Variants in GNB4 observed in about 807,000 individuals in gnomAD.
GNB4 encodes guanine nucleotide-binding protein subunit beta-4.
Under a neutral mutation model 45.2 loss-of-function variants are expected in GNB4, and 28 were observed. That is an observed-to-expected ratio of 0.62 (90% CI 0.46 to 0.85). The LOEUF is 0.85. Among genes scored for constraint, GNB4 ranks in the 40% least tolerant of loss-of-function variants. GNB4 has a pLI of 0.00. For missense variants in GNB4, 321 were observed against 425.4 expected (o/e 0.75, Z 2.16); for synonymous variants, 132 against 143.7 (o/e 0.92, Z 0.58).
chr3:179,413,735 T>G lies in GNB4; in HGVS notation c.477A>C (p.Thr159=). 1 of 1,614,224 alleles carries G rather than the reference T, an allele frequency of 6.2e-7. No individual in the cohort carries two copies. Among genetic ancestry groups the G allele is most frequent in the South Asian group, 1.1e-5 (1 of 91,086 alleles). Residue 159 remains threonine, a synonymous_variant, in exon 7 of 10, where the codon ACA becomes ACC. Coordinates refer to ENST00000232564, the MANE Select transcript of GNB4 (RefSeq NM_021629.4). The part of the protein sequence containing the change: ...CRFLDDSQIV[T]SSGDTTCALW... ...CTTACCAAGTTGTATCTCCTGAACT[T>G]GTAACAATTTGGCTGTCATCTAAAA... is the stretch of plus-strand genomic sequence containing the variant.
the GNB4 span, among the ~76,000 whole-genome samples, chr3:179,462,629 A>T: frequency 1.3e-5 from 2 of 152,286 alleles, no homozygotes; most frequent in East Asian, 3.9e-4. Context: ...ACTTGAGGTC[A>T]GAAGTTGGAG....
intron 2 of GNB4, among the ~76,000 whole-genome samples, chr3:179,423,867 T>C (rs537352467): frequency 2.6e-5 from 4 of 151,630 alleles, no homozygotes; most frequent in East Asian, 1.9e-4. Flanking sequence ...AAGAGCAAAA[T>C]TGGCTCAGAA....
chr3:179,404,361 C>T (rs561430568), intron 9 of GNB4, among the ~76,000 whole-genome samples: 1 of 152,190 alleles, frequency 6.6e-6, no homozygotes, highest in East Asian at 1.9e-4. Flanking sequence ...ACAGATAACA[C>T]CTGAATTTTT....
chr3:179,437,955 C>T (rs910079164), intron 1 of GNB4: 2 of 152,112 alleles, frequency 1.3e-5, no homozygotes, highest in African/African-American at 4.8e-5. Context: ...GCCTGCAATC[C>T]CAGTGCTTTG....
chr3:179,485,540 A>T, the GNB4 span, among the ~76,000 whole-genome samples: 1 of 152,198 alleles, frequency 6.6e-6, no homozygotes, highest in Non-Finnish European at 1.5e-5. Context: ...GCCTTAAGTT[A>T]TGAAACATAA....
At chr3:179,484,836 ATGTGTGTGTGTG>A in the GNB4 span, among the ~76,000 whole-genome samples, 7 of 146,996 alleles carry the variant, frequency 4.8e-5, no homozygotes, top group African/African-American at 1.0e-4. Context: ...AGCTATATAT[ATGTGTGTGTGTG>A]TGTGTGTGTG....
chr3:179,398,245 T>C lies in GNB4; in HGVS notation c.*2968A>G, dbSNP rs925804602. ...AAGAAGGAAACCTGGCTGGGCACGG[T>C]GGCTCACGTCTGTAATCCCAGCACT... On this transcript the variant is annotated 3_prime_UTR_variant, in exon 10 of 10. Coordinates refer to ENST00000232564, the MANE Select transcript of GNB4 (RefSeq NM_021629.4). The C allele has an allele frequency of 1.3e-5, 2 of 152,024 alleles. No homozygotes were observed. The highest frequency in any genetic ancestry group is 1.3e-4 in the Admixed American group (2 of 15,240). 9.4% of individuals were successfully genotyped at this position (152,024 alleles called of 1,614,324 possible). A position where few individuals can be genotyped will look rare whatever the true frequency, so the allele number is the denominator to read the frequency against.
chr3:179,445,733 C>T (rs1715704875), intron 1 of GNB4, among the ~76,000 whole-genome samples: 1 of 152,218 alleles, frequency 6.6e-6, no homozygotes, highest in Admixed American at 6.5e-5. Flanking sequence ...GAAGACAGCG[C>T]TCTGACTTGC....
chr3:179,491,912 A>G, the GNB4 span, among the ~76,000 whole-genome samples: 1 of 152,196 alleles, frequency 6.6e-6, no homozygotes, highest in East Asian at 1.9e-4. Context: ...CAAGATAGAG[A>G]ATTAGAAGGT....
At chr3:179,410,126 C>T (rs866347611) in intron 8 of GNB4, among the ~76,000 whole-genome samples, 1 of 152,190 alleles carries the variant, frequency 6.6e-6, no homozygotes, top group African/African-American at 2.4e-5. Context: ...TTTCCTGAGG[C>T]CTCCCCAGCC....
chr3:179,408,800 G>A (rs1714554748), intron 8 of GNB4, among the ~76,000 whole-genome samples: 2 of 133,276 alleles, frequency 1.5e-5, no homozygotes, highest in Admixed American at 7.6e-5. Flanking sequence ...TCAAAAAAAA[G>A]AAAAAGAAAG....
the GNB4 span, among the ~76,000 whole-genome samples, chr3:179,524,571 G>A: frequency 6.6e-6 from 1 of 152,160 alleles, no homozygotes; most frequent in Non-Finnish European, 1.5e-5. Context: ...CTGTTGTGGG[G>A]TTTGAGGGCC....
intron 2 of GNB4, among the ~76,000 whole-genome samples, chr3:179,422,243 T>C (rs959908386): frequency 1.3e-5 from 2 of 152,172 alleles, no homozygotes; most frequent in Non-Finnish European, 2.9e-5. Context: ...TCTACAAATA[T>C]GTTAGCAGCA....
the GNB4 span, among the ~76,000 whole-genome samples, chr3:179,523,819 A>G: frequency 6.6e-6 from 1 of 152,054 alleles, no homozygotes; most frequent in East Asian, 1.9e-4. Flanking sequence ...GGAGGCTTTG[A>G]ACTAGGGAAA....
At chr3:179,403,287 A>G (rs1379278598) in intron 9 of GNB4, among the ~76,000 whole-genome samples, 3 of 151,460 alleles carry the variant, frequency 2.0e-5, no homozygotes, top group African/African-American at 7.3e-5. Context: ...TAAAGACAGG[A>G]AACCCCAAAA....
intron 1 of GNB4, among the ~76,000 whole-genome samples, chr3:179,431,318 A>G (rs1715301895): frequency 6.6e-6 from 1 of 152,172 alleles, no homozygotes; most frequent in East Asian, 1.9e-4. Context: ...GCTCTTTGAG[A>G]GGCCGAGGCG....
chr3:179,439,431 C>T (rs1395528792), intron 1 of GNB4, among the ~76,000 whole-genome samples: 1 of 152,154 alleles, frequency 6.6e-6, no homozygotes, highest in Non-Finnish European at 1.5e-5. Flanking sequence ...ACCTGCCTCC[C>T]ATTATGGTTC....
chr3:179,455,395 T>C (rs1207661208), upstream of GNB4, among the ~76,000 whole-genome samples: 1 of 152,222 alleles, frequency 6.6e-6, no homozygotes, highest in Non-Finnish European at 1.5e-5. Flanking sequence ...TTGGCTCTGG[T>C]ATTAAATGTC....
the GNB4 span, among the ~76,000 whole-genome samples, chr3:179,527,383 G>A: frequency 6.6e-6 from 1 of 152,184 alleles, no homozygotes; most frequent in African/African-American, 2.4e-5. Flanking sequence ...TTTGAATGGA[G>A]CAACACAAAA....
Sources: gnomAD v4.1 joint callset for allele counts (sites outside exome capture counted in the v4.1 genomes callset) on GRCh38, gnomAD v4.1.1 for gene constraint, MANE v1.5 for transcripts, NCBI Gene and HGNC (gene_info 2026-07-23, HGNC 2026-07-21) for gene names.